MORC4: variants seen among roughly 807,000 people sequenced by gnomAD.
MORC4 encodes MORC family CW-type zinc finger protein 4.
MORC4 carries 22 observed loss-of-function variants against 65.5 expected under a neutral mutation model. That is an observed-to-expected ratio of 0.34 (90% CI 0.24 to 0.48). The LOEUF is 0.48. Among genes scored for constraint, MORC4 ranks in the 20% least tolerant of loss-of-function variants. MORC4 has a pLI of 0.99. For synonymous variants in MORC4, 267 were observed against 255.8 expected (o/e 1.04, Z -0.42); for missense variants, 624 against 703.0 (o/e 0.89, Z 1.27).
At chrX:106,960,646 G>A (rs866082842) in intron 10 of MORC4, among the ~76,000 whole-genome samples, 21 of 111,601 alleles carry the variant, frequency 1.9e-4, no homozygotes, top group East Asian at 8.4e-4. Context: ...ATAAGTAAGC[G>A]TTCAATAATT....
At chrX:106,961,536 G>T (rs930758550) in intron 10 of MORC4, among the ~76,000 whole-genome samples, 1 of 111,896 alleles carries the variant, frequency 8.9e-6, no homozygotes, top group Non-Finnish European at 1.9e-5. Context: ...GGGACTTGGG[G>T]AACTTTCCTG....
Position 106,985,201 on chromosome X carries a change from G to GAAA in MORC4, c.568_569insTTT (p.Ala190delinsValSer), listed in dbSNP as rs778714613. 6.7e-6 allele frequency: 8 copies of GAAA among 1,186,539 alleles called. No homozygotes were observed. In the Admixed American group the frequency reaches 1.8e-4, roughly 27 times the overall value. On this transcript the variant is annotated protein_altering_variant, in exon 5 of 17. Coordinates refer to ENST00000355610, the MANE Select transcript of MORC4 (RefSeq NM_024657.5). ...GTTGAAAATGGAATAGTTCAAGATG[G>GAAA]CTTCTAGGCTGGGCAATGAATCCTC...
intron 14 of MORC4, among the ~76,000 whole-genome samples, chrX:106,951,995 CAAAAAAAAAAA>C (rs56864570): frequency 2.5e-4 from 8 of 31,669 alleles, no homozygotes; most frequent in Non-Finnish European, 3.3e-4. Flanking sequence ...GACTCTGCCG[CAAAAAAAAAAA>C]AAAAAAAAAA....
At chrX:106,964,658 C>T (rs1934330799) in intron 9 of MORC4, among the ~76,000 whole-genome samples, 1 of 111,756 alleles carries the variant, frequency 8.9e-6, no homozygotes. Flanking sequence ...TTCAAGGAAT[C>T]CTTGAAGTTT....
At chrX:106,956,674 T>C in intron 12 of MORC4, 140 bp from the exon 13 acceptor site, 1 of 559,191 alleles carries the variant, frequency 1.8e-6, no homozygotes, top group East Asian at 3.4e-5. Flanking sequence ...GAGGGTGCCT[T>C]TCTGAACTAG....
chrX:106,981,641 G>A (rs1222504729), intron 5 of MORC4, among the ~76,000 whole-genome samples, 164 bp from the exon 6 acceptor site: 1 of 111,909 alleles, frequency 8.9e-6, no homozygotes, highest in Non-Finnish European at 1.9e-5. Flanking sequence ...TTGGGTAGAG[G>A]ATCAGACAAT....
intron 2 of MORC4, among the ~76,000 whole-genome samples, chrX:106,994,775 TTTTTTTTTC>T (rs373792998): frequency 9.7e-4 from 107 of 109,768 alleles, no homozygotes; most frequent in African/African-American, 3.5e-3. Flanking sequence ...TAGTCAATCT[TTTTTTTTTC>T]TTTTTTTTCA....
At chrX:106,987,294 T>G (rs768804143) in intron 3 of MORC4, among the ~76,000 whole-genome samples, 17 of 111,537 alleles carry the variant, frequency 1.5e-4, no homozygotes, top group African/African-American at 5.5e-4. Flanking sequence ...CATTACACAT[T>G]GTATGCATGT....
chrX:106,998,533 A>C (rs1423422421), intron 2 of MORC4, among the ~76,000 whole-genome samples: 1 of 111,946 alleles, frequency 8.9e-6, no homozygotes, highest in Non-Finnish European at 1.9e-5. Flanking sequence ...GCTCCCTTGT[A>C]GTCTTTCTTG....
At position 106,960,842 on chromosome X, in the gene MORC4, C is replaced by A. The variant is rs781536891; in HGVS notation, c.1256+1170G>T. On this transcript the variant is annotated intron_variant, in intron 10 of 16. Coordinates refer to ENST00000355610, the MANE Select transcript of MORC4 (RefSeq NM_024657.5). ...TTCAGAATAAGAAGAGGGTGATATA[C>A]ATACAGCCATTAGGTTGCATTAGAA... Among the ~76,000 whole-genome samples the A allele has an allele frequency of 2.7e-3, 300 of 112,278 alleles. 1 individual carries two copies. The highest frequency in any genetic ancestry group is 4.8e-3 in the Non-Finnish European group (255 of 53,248).
At chrX:106,997,291 T>A (rs1475165749) in intron 2 of MORC4, among the ~76,000 whole-genome samples, 4 of 112,050 alleles carry the variant, frequency 3.6e-5, no homozygotes, top group Non-Finnish European at 7.5e-5. Flanking sequence ...TTACAGAGTT[T>A]ATTTCCTCTC....
chrX:106,947,563 TATATATATTATATATATATATATATATA>T (rs1569295394), intron 14 of MORC4, among the ~76,000 whole-genome samples: 2 of 66,603 alleles, frequency 3.0e-5, no homozygotes, highest in Admixed American at 2.3e-4. Context: ...TTAATCTATA[TATATATATTATATATATATATATATATA>T]ATATATATAT....
intron 14 of MORC4, among the ~76,000 whole-genome samples, chrX:106,947,593 T>A (rs62605984): frequency 1.1e-3 from 87 of 80,035 alleles, no homozygotes; most frequent in African/African-American, 3.5e-3. Flanking sequence ...ATATATATAA[T>A]ATATATATAT....
In MORC4 at chrX:106,943,084, C is replaced by G. The variant is rs769964255; in HGVS notation, c.1807G>C (p.Val603Leu). 77 of 1,209,252 alleles carry G rather than the reference C, an allele frequency of 6.4e-5. No individual in the cohort carries two copies. In the South Asian group the frequency reaches 1.1e-3, roughly 17 times the overall value. The part of the protein sequence containing the change: ...PAPYRRVEAP[V>L]AYPEGENSHD... The stretch of plus-strand genomic sequence containing the variant: ...CTGTTCTCCCCTTCTGGGTAGGCAA[C>G]AGGTGCTTCTACCCTCCTGTAAGGA... The change falls in exon 15 of 17, where the codon GTT (valine) becomes CTT (leucine). Residue 603 changes from valine (V) to leucine (L), a missense_variant. By Grantham distance (32) the Val-to-Leu change is conservative (BLOSUM62 1). Coordinates refer to ENST00000355610, the MANE Select transcript of MORC4 (RefSeq NM_024657.5).
At chrX:106,990,867 C>G (rs1329490027) in intron 3 of MORC4, among the ~76,000 whole-genome samples, 2 of 110,393 alleles carry the variant, frequency 1.8e-5, no homozygotes, top group Non-Finnish European at 3.8e-5. Context: ...AGTGAAACTC[C>G]ATCTCAAAAA....
At chrX:106,953,953 G>A (rs1198705209) in intron 14 of MORC4, among the ~76,000 whole-genome samples, 3 of 111,897 alleles carry the variant, frequency 2.7e-5, no homozygotes, top group Non-Finnish European at 3.8e-5. Flanking sequence ...GAGAAACTCC[G>A]TCTCTACTAA....
At chrX:106,947,356 C>G (rs2147803517) in intron 14 of MORC4, among the ~76,000 whole-genome samples, 1 of 107,644 alleles carries the variant, frequency 9.3e-6, no homozygotes, top group South Asian at 4.1e-4. Flanking sequence ...TATGTCAGGT[C>G]TGGTTGGTTC....
chrX:106,961,603 G>A (rs1216494558), intron 10 of MORC4, among the ~76,000 whole-genome samples: 1 of 111,686 alleles, frequency 9.0e-6, no homozygotes, highest in African/African-American at 3.3e-5. Context: ...GCACCAATCA[G>A]TGCTCTGTAA....
intron 14 of MORC4, among the ~76,000 whole-genome samples, chrX:106,951,595 C>G (rs1933968915): frequency 9.0e-6 from 1 of 111,160 alleles, no homozygotes; most frequent in African/African-American, 3.3e-5. Flanking sequence ...GTCTCGAACT[C>G]CTGGGCTCAA....
Sources: gnomAD v4.1 joint callset for allele counts (sites outside exome capture counted in the v4.1 genomes callset) on GRCh38, gnomAD v4.1.1 for gene constraint, MANE v1.5 for transcripts, NCBI Gene and HGNC (gene_info 2026-07-23, HGNC 2026-07-21) for gene names.